The following RABGAP1 variants were observed in gnomAD, a reference collection of about 807,000 sequenced individuals.
RABGAP1 encodes rab GTPase-activating protein 1.
In RABGAP1, 23 loss-of-function variants were observed where a neutral mutation model predicts 137.6. The observed-to-expected ratio is 0.17, with a 90% CI of 0.12 to 0.24. The LOEUF (loss-of-function observed/expected upper bound fraction) is 0.24. Among genes scored for constraint, RABGAP1 ranks in the 10% least tolerant of loss-of-function variants. The probability of loss-of-function intolerance (pLI) is 1.00; values close to 1 mark genes in which losing one functional copy is unlikely to be tolerated. For missense variants in RABGAP1, 906 were observed against 1,275.8 expected, an observed-to-expected ratio of 0.71 and a Z score of 4.42; for synonymous variants, 451 against 450.7, an observed-to-expected ratio of 1.00 and a Z score of -0.01.
chr9:123,036,631 A>T (rs1431637782), intron 13 of RABGAP1, among the ~76,000 whole-genome samples: 3 of 152,180 alleles, frequency 2.0e-5, no homozygotes, highest in East Asian at 1.9e-4. Context: ...TTGTTTTTTT[A>T]AAATACAAGG....
intron 13 of RABGAP1, among the ~76,000 whole-genome samples, chr9:123,063,731 G>A (rs1036138472): frequency 2.6e-5 from 4 of 152,130 alleles, no homozygotes; most frequent in Admixed American, 6.5e-5. Flanking sequence ...AAAATTAATT[G>A]TCTTTCTCAT....
At chr9:122,935,965 T>C (rs1169694557), upstream of RABGAP1, among the ~76,000 whole-genome samples, 1 of 152,188 alleles carries the variant, frequency 6.6e-6, no homozygotes, top group East Asian at 1.9e-4. Flanking sequence ...GTTTTTTTTT[T>C]CTTTCTTTCG....
intron 3 of RABGAP1, among the ~76,000 whole-genome samples, chr9:122,985,899 A>G (rs988752735): frequency 6.6e-6 from 1 of 152,204 alleles, no homozygotes; most frequent in Non-Finnish European, 1.5e-5. Flanking sequence ...CAATAATTCA[A>G]AAACTGAAAT....
intron 21 of RABGAP1, among the ~76,000 whole-genome samples, chr9:123,096,543 C>T (rs946929587): frequency 2.0e-5 from 3 of 152,164 alleles, no homozygotes; most frequent in African/African-American, 4.8e-5. Context: ...TTTGAATCTG[C>T]GTATCATGCC....
chr9:122,981,197 G>C (rs1836034310), intron 2 of RABGAP1, among the ~76,000 whole-genome samples: 1 of 151,942 alleles, frequency 6.6e-6, no homozygotes, highest in African/African-American at 2.4e-5. Flanking sequence ...GTTGATTTTT[G>C]TATTTTTTAG....
chr9:123,076,670 G>C lies in RABGAP1; in HGVS notation c.2332G>C (p.Gly778Arg). 1 of 1,605,898 alleles carries C rather than the reference G, an allele frequency of 6.2e-7. No homozygotes were observed. The highest frequency in any genetic ancestry group is 8.5e-7 in the Non-Finnish European group (1 of 1,176,386). ...KDDLLLTDFE[G>R]ALKFFRVQLP... ...TGACCTGCTGTTGACAGACTTTGAA[G>C]GTGCCTTGAAGTTCTTTAGGGTTCA... The change falls in exon 19 of 26, where the codon GGT (glycine) becomes CGT (arginine). Residue 778 changes from glycine to arginine, a missense_variant. Transcript: ENST00000373647.
chr9:123,092,224 A>C (rs1186853772), intron 21 of RABGAP1, among the ~76,000 whole-genome samples: 2 of 152,180 alleles, frequency 1.3e-5, no homozygotes, highest in East Asian at 3.9e-4. Flanking sequence ...TTATGTTCTT[A>C]AAACCTGCCC....
chr9:123,094,373 G>A (rs1412189230), intron 21 of RABGAP1, among the ~76,000 whole-genome samples: 2 of 152,170 alleles, frequency 1.3e-5, no homozygotes, highest in Non-Finnish European at 1.5e-5. Flanking sequence ...GTTCCTGTTT[G>A]CTGAGAGTTT....
At chr9:123,010,962 A>G (rs1267202785) in intron 11 of RABGAP1, among the ~76,000 whole-genome samples, 1 of 151,224 alleles carries the variant, frequency 6.6e-6, no homozygotes, top group Admixed American at 6.6e-5. Flanking sequence ...ATATATTACT[A>G]TGTTTTACAC....
At chr9:123,097,955 T>G (rs371145078) in intron 22 of RABGAP1, 110 bp downstream of exon 22, 2 of 878,268 alleles carry the variant, frequency 2.3e-6, no homozygotes. Context: ...GGCTTCAGTT[T>G]CTTTCCAAAG....
intron 10 of RABGAP1, among the ~76,000 whole-genome samples, chr9:123,004,367 A>T (rs1350237398): frequency 6.6e-6 from 1 of 151,890 alleles, no homozygotes; most frequent in Non-Finnish European, 1.5e-5. Flanking sequence ...GGCTCGCTAC[A>T]GCCTTGACCT....
Position 123,070,416 on chromosome 9 carries a change from C to CT in RABGAP1, c.1977dup (p.Leu660SerfsTer5). On this transcript the variant is annotated frameshift_variant, in exon 15 of 26. Transcript: ENST00000373647. LOFTEE classifies it high-confidence loss of function. The surrounding 1 kb of genome is among the most constrained non-coding windows in gnomAD (Gnocchi z 4.4). Reference sequence around the variant, plus strand: ...CCAGTCATTTCTTGCTGCTGTGCTCCTTCTCCATGTGAGTAATTAGGTCTC... The same window carrying CT: ...CCAGTCATTTCTTGCTGCTGTGCTCCTTTCTCCATGTGAGTAATTAGGTCTC... The CT allele has an allele frequency of 6.2e-7, 1 of 1,614,048 alleles. No individual in the cohort carries two copies. The highest frequency in any genetic ancestry group is 8.5e-7 in the Non-Finnish European group (1 of 1,179,966).
chr9:122,984,726 A>C lies in RABGAP1; in HGVS notation c.385+7A>C, dbSNP rs1836275648. On this transcript the variant is annotated splice_region_variant and intron_variant, in intron 3 of 25. Transcript: ENST00000373647. ...GTGAAACCTGGACAAGGAGGTTAGG[A>C]TTGCTGCATTGCTTGCGTAACTGAA... 6.2e-7 allele frequency: 1 copy of C among 1,608,004 alleles called. No individual in the cohort carries two copies. The highest frequency in any genetic ancestry group is 8.5e-7 in the Non-Finnish European group (1 of 1,174,706).
At chr9:123,068,367 G>GA (rs1273835005) in intron 14 of RABGAP1, among the ~76,000 whole-genome samples, 3 of 140,162 alleles carry the variant, frequency 2.1e-5, no homozygotes, top group Non-Finnish European at 3.1e-5. Context: ...AAAAAAAAAA[G>GA]AAAAAATCCA....
intron 1 of RABGAP1, among the ~76,000 whole-genome samples, chr9:122,951,983 A>T (rs1393727299): frequency 6.6e-6 from 1 of 152,232 alleles, no homozygotes; most frequent in South Asian, 2.1e-4. Context: ...CAAAAAGTTC[A>T]TGGAGTTTTG....
chr9:122,991,154 C>T (rs977435012), intron 6 of RABGAP1, among the ~76,000 whole-genome samples: 1 of 151,590 alleles, frequency 6.6e-6, no homozygotes, highest in Non-Finnish European at 1.5e-5. Context: ...TAACAGTGTC[C>T]CCATTTCCAA....
chr9:122,938,789 A>C (rs993941380), upstream of RABGAP1: 2 of 152,216 alleles, frequency 1.3e-5, no homozygotes, highest in Non-Finnish European at 2.9e-5. Flanking sequence ...GATATGTTTG[A>C]CTTGAATCCA....
intron 19 of RABGAP1, among the ~76,000 whole-genome samples, chr9:123,078,529 G>A (rs1159600419): frequency 1.3e-5 from 2 of 152,152 alleles, no homozygotes; most frequent in Non-Finnish European, 2.9e-5. Context: ...ACATTTTACA[G>A]TAATATTTTC....
intron 13 of RABGAP1, among the ~76,000 whole-genome samples, chr9:123,045,962 C>T (rs555336022): frequency 6.6e-6 from 1 of 152,266 alleles, no homozygotes; most frequent in Non-Finnish European, 1.5e-5. Context: ...TCAGATTCTT[C>T]CAATGACTTC....
Sources: gnomAD v4.1 joint callset for allele counts (sites outside exome capture counted in the v4.1 genomes callset) on GRCh38, gnomAD v4.1.1 for gene constraint, Gnocchi (gnomAD v3.1) non-coding constraint, MANE v1.5 for transcripts, NCBI Gene and HGNC (gene_info 2026-07-23, HGNC 2026-07-21) for gene names.